Variants in CHST12 observed in about 807,000 individuals in gnomAD.
CHST12 encodes the protein carbohydrate sulfotransferase 12.
In CHST12, 23 loss-of-function variants were observed where a neutral mutation model predicts 27.9. The ratio of observed to expected loss-of-function variants is 0.82; its 90% CI spans 0.59 to 1.17. The LOEUF is 1.17. Among genes scored for constraint, CHST12 ranks in the 50% most tolerant of loss-of-function variants. CHST12 has a pLI of 0.00. For synonymous variants in CHST12, 322 were observed against 273.0 expected (o/e 1.18, Z -1.77); for missense variants, 682 against 603.0 (o/e 1.13, Z -1.37).
At position 2,436,266 on chromosome 7, in the gene CHST12, ACT is replaced by A. The variant is rs1782471450; in HGVS notation, c.*2385_*2386del. The A allele has an allele frequency of 6.6e-6, 1 of 151,930 alleles. No homozygotes were observed. Among genetic ancestry groups the A allele is most frequent in the Non-Finnish European group, 1.5e-5 (1 of 68,006 alleles). The allele number at this position is 151,930 out of a possible 1,614,324, so 9.4% of individuals were successfully genotyped here. A position where few individuals can be genotyped will look rare whatever the true frequency, so the allele number is the denominator to read the frequency against. ...AGCTTTCTCATCTTCCCAAACTGAA[ACT>A]CTGTCCCCATTCAGCACTCGCTCCC... On this transcript the variant is annotated 3_prime_UTR_variant, in exon 2 of 2. Transcript: ENST00000618655.
intron 1 of CHST12, among the ~76,000 whole-genome samples, chr7:2,418,672 C>G (rs965790758): frequency 1.3e-5 from 2 of 152,216 alleles, no homozygotes; most frequent in Admixed American, 6.5e-5. Context: ...TTCTATCGGA[C>G]CCTTCCCTGA....
chr7:2,419,705 C>T (rs1781913876), intron 1 of CHST12, among the ~76,000 whole-genome samples: 1 of 127,434 alleles, frequency 7.8e-6, no homozygotes, highest in African/African-American at 3.3e-5. Context: ...AAAACTCCGT[C>T]TCAAAAAAAA....
At chr7:2,409,073 G>A (rs981003886) in intron 1 of CHST12, among the ~76,000 whole-genome samples, 4 of 152,208 alleles carry the variant, frequency 2.6e-5, no homozygotes, top group Non-Finnish European at 5.9e-5. Context: ...AAACCATCGT[G>A]CGGGAAACGA....
chr7:2,424,179 TC>T (rs1485455867), intron 1 of CHST12, among the ~76,000 whole-genome samples: 9 of 152,118 alleles, frequency 5.9e-5, no homozygotes, highest in Non-Finnish European at 1.2e-4. Context: ...CATAGGGAGA[TC>T]CTGTCTCTAC....
At chr7:2,411,989 C>G (rs1195590421) in intron 1 of CHST12, among the ~76,000 whole-genome samples, 4 of 152,110 alleles carry the variant, frequency 2.6e-5, no homozygotes, top group Non-Finnish European at 5.9e-5. Flanking sequence ...CTGGGAAGGG[C>G]CAACAGAGGG....
At chr7:2,412,989 CT>C (rs766205265) in intron 1 of CHST12, among the ~76,000 whole-genome samples, 2 of 151,746 alleles carry the variant, frequency 1.3e-5, no homozygotes, top group Non-Finnish European at 2.9e-5. Flanking sequence ...ATATTTGAGC[CT>C]GATGAAGACA....
intron 1 of CHST12, among the ~76,000 whole-genome samples, chr7:2,405,392 C>T (rs1012465832): frequency 2.0e-5 from 3 of 151,992 alleles, no homozygotes; most frequent in Admixed American, 1.3e-4. Context: ...TGCAGTGAGC[C>T]GACACTGGGC....
Position 2,437,988 on chromosome 7 carries a change from T to C in CHST12, c.*4104T>C. On this transcript the variant is annotated 3_prime_UTR_variant, in exon 2 of 2. Coordinates refer to ENST00000618655, the MANE Select transcript of CHST12 (RefSeq NM_018641.5). The stretch of plus-strand genomic sequence containing the variant: ...CAGGGTGGCTAAGCCCTCGTCCCTG[T>C]GAGGGACAGTGACACGGATGGGAGC... 1 of 152,366 alleles carries C rather than the reference T, an allele frequency of 6.6e-6. No homozygotes were observed. The highest frequency in any genetic ancestry group is 1.5e-5 in the Non-Finnish European group (1 of 68,098). The allele number at this position is 152,366 out of a possible 1,614,324, so 9.4% of individuals were successfully genotyped here. A position where few individuals can be genotyped will look rare whatever the true frequency, so the allele number is the denominator to read the frequency against.
chr7:2,411,535 C>G (rs578182345), intron 1 of CHST12, among the ~76,000 whole-genome samples: 18 of 111,200 alleles, frequency 1.6e-4, no homozygotes, highest in African/African-American at 6.5e-4. Context: ...GTTGGCCAGG[C>G]TGGAGTGCAG....
chr7:2,426,607 C>T (rs1293188374), intron 1 of CHST12, among the ~76,000 whole-genome samples: 2 of 151,290 alleles, frequency 1.3e-5, no homozygotes, highest in Non-Finnish European at 2.9e-5. Flanking sequence ...CACTCTTGCA[C>T]CCTTAATTAT....
intron 1 of CHST12, among the ~76,000 whole-genome samples, chr7:2,411,490 CTTT>C (rs79743047): frequency 1.1e-5 from 1 of 87,540 alleles, no homozygotes; most frequent in African/African-American, 4.8e-5. Flanking sequence ...TAACTTAACT[CTTT>C]TTTTTTTTTT....
chr7:2,420,517 C>A (rs1223169496), intron 1 of CHST12, among the ~76,000 whole-genome samples: 1 of 152,020 alleles, frequency 6.6e-6, no homozygotes, highest in African/African-American at 2.4e-5. Context: ...TCTTCAAGAC[C>A]CTGCTCTAAG....
intron 1 of CHST12, among the ~76,000 whole-genome samples, chr7:2,425,691 C>CTTTT (rs760502452): frequency 7.3e-6 from 1 of 137,876 alleles, no homozygotes; most frequent in African/African-American, 2.7e-5. Flanking sequence ...ACTGCATTTG[C>CTTTT]TTTTTTTTTT....
At chr7:2,424,542 C>A (rs1351069924) in intron 1 of CHST12, among the ~76,000 whole-genome samples, 1 of 152,124 alleles carries the variant, frequency 6.6e-6, no homozygotes, top group Non-Finnish European at 1.5e-5. Flanking sequence ...CCAGGAGGGT[C>A]TCCCAGTGCG....
At position 2,440,333 on chromosome 7, in the gene CHST12, G is replaced by A. The variant is rs1462591574; in HGVS notation, c.*6449G>A. Reference sequence around the variant, plus strand: ...AGTACTGGCTAGAAGCTGGCGGGGTGTGTGTGTGCAGGTGTGCGAGTGCAT... The same window carrying A: ...AGTACTGGCTAGAAGCTGGCGGGGTATGTGTGTGCAGGTGTGCGAGTGCAT... On this transcript the variant is annotated 3_prime_UTR_variant, in exon 2 of 2. Coordinates refer to ENST00000618655, the MANE Select transcript of CHST12 (RefSeq NM_018641.5). 1 of 154,584 alleles carries A rather than the reference G, an allele frequency of 6.5e-6. No individual in the cohort carries two copies. The highest frequency in any genetic ancestry group is 1.5e-5 in the Non-Finnish European group (1 of 68,342). The allele number at this position is 154,584 out of a possible 1,614,324, so 9.6% of individuals were successfully genotyped here.
chr7:2,447,118 A>C lies in CHST12; in HGVS notation c.*13234A>C, dbSNP rs1562527238. ...CAGGGACCAGCAGCACGAAAGGCAC[A>C]CTGAGGCACACTGGCAGGCCTGGGC... On this transcript the variant is annotated 3_prime_UTR_variant, in exon 2 of 2. Coordinates refer to ENST00000618655, the MANE Select transcript of CHST12 (RefSeq NM_018641.5). The C allele has an allele frequency of 6.6e-6, 1 of 152,486 alleles. No homozygotes were observed. Among genetic ancestry groups the C allele is most frequent in the African/African-American group, 2.4e-5 (1 of 41,438 alleles). The allele number at this position is 152,486 out of a possible 1,614,324, so 9.4% of individuals were successfully genotyped here.
In CHST12 at chr7:2,416,067, T is replaced by G. The variant is rs973100432; in HGVS notation, c.-78+12394T>G. Reference sequence around the variant, plus strand: ...AGTCAATCTTCTCAAACCTTGCCACTGCATTATCATGTAAGTCTATGGAAT... The same window carrying G: ...AGTCAATCTTCTCAAACCTTGCCACGGCATTATCATGTAAGTCTATGGAAT... On this transcript the variant is annotated intron_variant, in intron 1 of 1. Transcript: ENST00000618655. Among the ~76,000 whole-genome samples the G allele has an allele frequency of 3.9e-5, 6 of 152,228 alleles. 1 individual carries two copies. Among genetic ancestry groups the G allele is most frequent in the African/African-American group, 1.4e-4 (6 of 41,462 alleles).
intron 1 of CHST12, among the ~76,000 whole-genome samples, chr7:2,414,287 CT>C (rs199691324): frequency 6.7e-6 from 1 of 150,360 alleles, no homozygotes; most frequent in Non-Finnish European, 1.5e-5. Flanking sequence ...TTTTCTTTTT[CT>C]TTTTTTTTCT....
At position 2,433,924 on chromosome 7, in the gene CHST12, A is replaced by C. The variant is rs111791292; in HGVS notation, c.*40A>C. 9,395 of 1,516,084 alleles carry C rather than the reference A, an allele frequency of 6.2e-3. 281 individuals carry two copies. The African/African-American group carries it at 0.081, about 13-fold the overall frequency. 93.9% of individuals were successfully genotyped at this position (1,516,084 alleles called of 1,614,324 possible). A position where few individuals can be genotyped will look rare whatever the true frequency, so the allele number is the denominator to read the frequency against. ...CTTTTTCTCGCGTGCCTGGAACCTG[A>C]CGCACGCGCACTCCAGTTTTTTTAT... On this transcript the variant is annotated 3_prime_UTR_variant, in exon 2 of 2. Coordinates refer to ENST00000618655, the MANE Select transcript of CHST12 (RefSeq NM_018641.5). This position sits in a 1 kb window ranked among gnomAD's most constrained non-coding sequence, Gnocchi z 6.1.
Sources: gnomAD v4.1 joint callset for allele counts (sites outside exome capture counted in the v4.1 genomes callset) on GRCh38, gnomAD v4.1.1 for gene constraint, Gnocchi (gnomAD v3.1) non-coding constraint, MANE v1.5 for transcripts, NCBI Gene and HGNC (gene_info 2026-07-23, HGNC 2026-07-21) for gene names.